Variants in GRM8 observed in about 807,000 individuals in gnomAD.
GRM8 encodes metabotropic glutamate receptor 8.
GRM8 carries 47 observed loss-of-function variants against 87.2 expected under a neutral mutation model. The observed-to-expected ratio is 0.54, with a 90% CI of 0.43 to 0.69. The LOEUF is 0.69. Ranked by LOEUF, GRM8 falls within the 30% of genes least tolerant of loss-of-function variation. The pLI, the probability that GRM8 is intolerant of heterozygous loss-of-function variation, is 0.00. For synonymous variants in GRM8, 396 were observed against 404.5 expected, an observed-to-expected ratio of 0.98 and a Z score of 0.25; for missense variants, 1,019 against 1,139.2, an observed-to-expected ratio of 0.89 and a Z score of 1.52.
intron 3 of GRM8, among the ~76,000 whole-genome samples, chr7:126,972,375 A>G (rs1201727392): frequency 6.6e-6 from 1 of 152,150 alleles, no homozygotes; most frequent in Admixed American, 6.5e-5. Flanking sequence ...AGTAGACACA[A>G]TCATATTCAC....
intron 8 of GRM8, among the ~76,000 whole-genome samples, chr7:126,567,368 T>G (rs1333184115): frequency 2.3e-5 from 3 of 129,758 alleles, no homozygotes; most frequent in African/African-American, 3.1e-5. Flanking sequence ...TGAGAACACA[T>G]GGACACAGGA....
At chr7:126,829,743 T>C (rs1162714818) in intron 6 of GRM8, among the ~76,000 whole-genome samples, 3 of 152,158 alleles carry the variant, frequency 2.0e-5, no homozygotes, top group Non-Finnish European at 4.4e-5. Context: ...GATCCTGTCA[T>C]TATGATGTTA....
In GRM8 at chr7:127,198,624, T is replaced by C. The variant is rs185648399; in HGVS notation, c.510+44071A>G. On this transcript the variant is annotated intron_variant, in intron 2 of 10. Coordinates refer to ENST00000339582, the MANE Select transcript of GRM8 (RefSeq NM_000845.3). ...TTTGTCCATTAGCCAAGTCAGAATA[T>C]GACCTCTGGCTTGTATTGTCCAGTG... 3.9e-5 allele frequency among the ~76,000 whole-genome samples: 6 copies of C among 152,246 alleles called. No individual in the cohort carries two copies. In the East Asian group the frequency reaches 7.7e-4, roughly 20 times the overall value.
Position 127,070,947 on chromosome 7 carries a change from A to G in GRM8, c.727+35549T>C, listed in dbSNP as rs190294317. Reference sequence around the variant, plus strand: ...TCCTGCCTAAGAAAAATTCTGAAACAGGCCATTTCATCTTCAGTTTCTAAC... The same window carrying G: ...TCCTGCCTAAGAAAAATTCTGAAACGGGCCATTTCATCTTCAGTTTCTAAC... On this transcript the variant is annotated intron_variant, in intron 3 of 10. Coordinates refer to ENST00000339582, the MANE Select transcript of GRM8 (RefSeq NM_000845.3). Among the ~76,000 whole-genome samples the G allele has an allele frequency of 6.8e-4, 103 of 152,324 alleles. 1 individual carries two copies. Among genetic ancestry groups the G allele is most frequent in the Admixed American group, 6.4e-3 (98 of 15,300 alleles).
At chr7:127,129,850 CA>C (rs1346580602) in intron 2 of GRM8, among the ~76,000 whole-genome samples, 1 of 152,168 alleles carries the variant, frequency 6.6e-6, no homozygotes, top group Non-Finnish European at 1.5e-5. Flanking sequence ...TGAAGCTATT[CA>C]ATCTCTGAGT....
chr7:127,215,195 C>T (rs1158888078), intron 2 of GRM8: 1 of 152,208 alleles, frequency 6.6e-6, no homozygotes, highest in Non-Finnish European at 1.5e-5. Flanking sequence ...CTCTCTCAAA[C>T]TGGAATTATC....
chr7:126,486,356 A>G (rs1320505392), intron 9 of GRM8, among the ~76,000 whole-genome samples: 1 of 152,054 alleles, frequency 6.6e-6, no homozygotes, highest in Non-Finnish European at 1.5e-5. Context: ...ATGTTTGTTC[A>G]GTATGCATGT....
chr7:126,439,825 A>AGTGTGTGTGTGTGTGTGTGT (rs57638512), intron 10 of GRM8, among the ~76,000 whole-genome samples: 2,610 of 142,596 alleles, frequency 0.018, 51 homozygotes, highest in East Asian at 0.045. Flanking sequence ...GGCCTAGGCT[A>AGTGTGTGTGTGTGTGTGTGT]GTGTGTGTGT....
In GRM8 at chr7:127,124,974, C is replaced by T. The variant is rs117937954; in HGVS notation, c.511-18262G>A. On this transcript the variant is annotated intron_variant, in intron 2 of 10. Transcript: ENST00000339582. ...ATAAATAAACAAATAAGTAAAGTCT[C>T]AGCTTATTAAGACTATACAGAAATA... Among the ~76,000 whole-genome samples the T allele has an allele frequency of 4.3e-3, 656 of 152,184 alleles. 4 individuals are homozygous for T. Among genetic ancestry groups the T allele is most frequent in the Non-Finnish European group, 6.8e-3 (460 of 67,966 alleles).
intron 6 of GRM8, among the ~76,000 whole-genome samples, chr7:126,844,531 A>G (rs956897321): frequency 6.6e-6 from 1 of 152,100 alleles, no homozygotes; most frequent in African/African-American, 2.4e-5. Flanking sequence ...TATTATTTCT[A>G]TTGTAACAAA....
At chr7:126,774,122 C>A (rs1426391295) in intron 6 of GRM8, among the ~76,000 whole-genome samples, 1 of 152,154 alleles carries the variant, frequency 6.6e-6, no homozygotes, top group Non-Finnish European at 1.5e-5. Context: ...TGGTGACAAA[C>A]TGAAAGACTG....
At chr7:127,152,744 T>C (rs569233121) in intron 2 of GRM8, among the ~76,000 whole-genome samples, 4 of 152,244 alleles carry the variant, frequency 2.6e-5, no homozygotes, top group Admixed American at 2.0e-4. Context: ...TGGAGATGCA[T>C]CTGATGACAC....
At chr7:126,474,673 A>G (rs545603952) in intron 9 of GRM8, among the ~76,000 whole-genome samples, 46 of 152,294 alleles carry the variant, frequency 3.0e-4, no homozygotes, top group African/African-American at 1.1e-3. Context: ...GAAGGAAGCT[A>G]CTGTGCTGCT....
At chr7:127,225,482 C>A (rs1489537557) in intron 2 of GRM8, among the ~76,000 whole-genome samples, 1 of 108,656 alleles carries the variant, frequency 9.2e-6, no homozygotes, top group African/African-American at 4.6e-5. Flanking sequence ...AACCTATCTG[C>A]TGGAAAAAAA....
intron 6 of GRM8, among the ~76,000 whole-genome samples, chr7:126,833,230 G>A (rs148999582): frequency 5.2e-4 from 79 of 152,192 alleles, no homozygotes; most frequent in African/African-American, 1.5e-3. Flanking sequence ...AGGAAGAGGC[G>A]GTACAAAGAT....
At chr7:126,966,455 T>C (rs1161004735) in intron 3 of GRM8, among the ~76,000 whole-genome samples, 1 of 152,070 alleles carries the variant, frequency 6.6e-6, no homozygotes, top group Non-Finnish European at 1.5e-5. Flanking sequence ...TCAAGTTGTT[T>C]GCAATTATTT....
intron 3 of GRM8, among the ~76,000 whole-genome samples, chr7:127,099,839 G>A (rs1587000631): frequency 6.6e-6 from 1 of 152,244 alleles, no homozygotes; most frequent in Middle Eastern, 3.4e-3. Flanking sequence ...CAGTACCTCA[G>A]AATGTGACCT....
At chr7:126,519,821 A>T (rs1812711217) in intron 9 of GRM8, among the ~76,000 whole-genome samples, 1 of 152,148 alleles carries the variant, frequency 6.6e-6, no homozygotes, top group African/African-American at 2.4e-5. Flanking sequence ...TCTTAAAATT[A>T]AACAGATTCC....
intron 3 of GRM8, among the ~76,000 whole-genome samples, chr7:127,065,781 G>A (rs541057175): frequency 2.0e-5 from 3 of 152,110 alleles, no homozygotes; most frequent in Non-Finnish European, 4.4e-5. Context: ...CAGAGATGGT[G>A]GGGGCACCTA....
Sources: gnomAD v4.1 joint callset for allele counts (sites outside exome capture counted in the v4.1 genomes callset) on GRCh38, gnomAD v4.1.1 for gene constraint, MANE v1.5 for transcripts, NCBI Gene and HGNC (gene_info 2026-07-23, HGNC 2026-07-21) for gene names.